The following KIAA0232 variants were observed in gnomAD, a reference collection of about 807,000 sequenced individuals.
KIAA0232 encodes the protein uncharacterized protein KIAA0232.
In KIAA0232, 27 loss-of-function variants were observed where a neutral mutation model predicts 122.0. The observed-to-expected ratio is 0.22, with a 90% CI of 0.16 to 0.31. The LOEUF (loss-of-function observed/expected upper bound fraction) is 0.31. Among genes scored for constraint, KIAA0232 ranks in the 10% least tolerant of loss-of-function variants. KIAA0232 has a pLI of 1.00. For missense variants in KIAA0232, 1,551 were observed against 1,634.2 expected (o/e 0.95, Z 0.88); for synonymous variants, 613 against 587.6 (o/e 1.04, Z -0.63).
intron 7 of KIAA0232, among the ~76,000 whole-genome samples, chr4:6,864,737 CAAAAA>C (rs59573520): frequency 5.7e-5 from 4 of 70,300 alleles, no homozygotes; most frequent in African/African-American, 2.4e-4. Context: ...GACTCCATCT[CAAAAA>C]AAAAAAAAAA....
In KIAA0232 at chr4:6,862,252, A is replaced by G. The variant is rs1386251475; in HGVS notation, c.1870A>G (p.Asn624Asp). 3 of 1,614,190 alleles carry G rather than the reference A, an allele frequency of 1.9e-6. No individual in the cohort carries two copies. The highest frequency in any genetic ancestry group is 2.2e-5 in the South Asian group (2 of 91,076). ...TCCCATCTTAGACAGCACAGTGCTCAATTCACACCTGCTTGCTGGCAATCA... is the reference window on the plus strand; with the variant it reads ...TCCCATCTTAGACAGCACAGTGCTCGATTCACACCTGCTTGCTGGCAATCA... Reference protein sequence around the residue: ...LSPILDSTVLNSHLLAGNQEL... With the variant: ...LSPILDSTVLDSHLLAGNQEL... The change falls in exon 7 of 10, where the codon AAT becomes GAT. Residue 624 changes from asparagine to aspartate, a missense_variant. By Grantham distance (23) the Asn-to-Asp change is conservative. Around this residue, in one of 5 missense-constraint regions of KIAA0232, gnomAD observed 1,108 missense variants for 1,154.8 expected, o/e 0.96. Transcript: ENST00000307659.
At chr4:6,875,994 C>A (rs115289372) in intron 8 of KIAA0232, among the ~76,000 whole-genome samples, 2,218 of 152,276 alleles carry the variant, frequency 0.015, 48 homozygotes, top group African/African-American at 0.048. Context: ...CTAAAGCCCC[C>A]AGATGATGAG....
rs541814218 is a variant in KIAA0232 at position 6,832,350 on chromosome 4, CT to C, written c.231+7681del. ...CATATGTAATTCATGAAGTTGGGGC[CT>C]TTTTTTTTTTTTTTGGAGAGGGACT... On this transcript the variant is annotated intron_variant, in intron 3 of 9. Coordinates refer to ENST00000307659, the MANE Select transcript of KIAA0232 (RefSeq NM_014743.3). 2.8e-3 allele frequency among the ~76,000 whole-genome samples: 374 copies of C among 134,618 alleles called. 1 individual carries two copies. Among genetic ancestry groups the C allele is most frequent in the Middle Eastern group, 7.6e-3 (2 of 262 alleles). 88.3% of individuals were successfully genotyped at this position (134,618 alleles called of 152,430 possible).
intron 1 of KIAA0232, among the ~76,000 whole-genome samples, chr4:6,792,858 G>A (rs1343906374): frequency 2.6e-5 from 4 of 151,612 alleles, no homozygotes; most frequent in Non-Finnish European, 5.9e-5. Context: ...CCCGGCTAAT[G>A]TTTTTGTATT....
At chr4:6,819,440 C>CA (rs1186259053) in intron 2 of KIAA0232, among the ~76,000 whole-genome samples, 1 of 152,000 alleles carries the variant, frequency 6.6e-6, no homozygotes, top group Non-Finnish European at 1.5e-5. Context: ...AAAAAGTGGG[C>CA]AAAAGACATG....
In KIAA0232 at chr4:6,862,370, C is replaced by A; in HGVS notation, c.1988C>A (p.Ser663Tyr). The change falls in exon 7 of 10, where the codon TCT becomes TAT. Residue 663 changes from serine (S) to tyrosine (Y), a missense_variant. Around this residue, in one of 5 missense-constraint regions of KIAA0232, gnomAD observed 1,108 missense variants for 1,154.8 expected, o/e 0.96. Transcript: ENST00000307659. ...VQCSNSVLPF[S>Y]FETLNLGNEN... is the part of the protein sequence containing the mutation. ...TGCAGTAATTCTGTTTTACCATTTT[C>A]TTTTGAAACACTCAACTTGGGAAAT... The A allele has an allele frequency of 1.2e-6, 2 of 1,614,096 alleles. No individual in the cohort carries two copies. The highest frequency in any genetic ancestry group is 1.6e-4 in the Middle Eastern group (1 of 6,062).
intron 2 of KIAA0232, among the ~76,000 whole-genome samples, chr4:6,814,932 G>A (rs1241675984): frequency 6.6e-6 from 1 of 152,038 alleles, no homozygotes; most frequent in African/African-American, 2.4e-5. Context: ...GTGTTTCCAT[G>A]TGGGAATACA....
chr4:6,800,039 CTTTCTTTTTTTTTTTT>C (rs1311211142), intron 1 of KIAA0232, among the ~76,000 whole-genome samples: 3 of 67,310 alleles, frequency 4.5e-5, no homozygotes, highest in South Asian at 5.0e-4. Context: ...TTCTTTCTTT[CTTTCTTTTTTTTTTTT>C]TTTTTTTTTT....
intron 4 of KIAA0232, among the ~76,000 whole-genome samples, chr4:6,843,006 G>A (rs1719746739): frequency 6.6e-6 from 1 of 152,076 alleles, no homozygotes; most frequent in Non-Finnish European, 1.5e-5. Context: ...CACTTCAAAA[G>A]TACTGTATTG....
At chr4:6,830,803 C>T (rs896037513) in intron 3 of KIAA0232, among the ~76,000 whole-genome samples, 4 of 152,100 alleles carry the variant, frequency 2.6e-5, no homozygotes, top group Non-Finnish European at 5.9e-5. Flanking sequence ...AAAGAGCAGG[C>T]TTCTCATCCT....
intron 2 of KIAA0232, among the ~76,000 whole-genome samples, chr4:6,821,666 A>G (rs891510786): frequency 1.5e-5 from 2 of 137,082 alleles, no homozygotes; most frequent in Admixed American, 1.5e-4. Flanking sequence ...GTGTATGTGT[A>G]TACATATATA....
intron 1 of KIAA0232, among the ~76,000 whole-genome samples, chr4:6,792,532 A>G (rs1259987724): frequency 6.6e-6 from 1 of 152,196 alleles, no homozygotes; most frequent in East Asian, 1.9e-4. Context: ...AATTTCATAC[A>G]ATTAAGCACA....
intron 1 of KIAA0232, among the ~76,000 whole-genome samples, chr4:6,804,032 TA>T (rs1252390061): frequency 6.6e-6 from 1 of 152,248 alleles, no homozygotes; most frequent in African/African-American, 2.4e-5. Flanking sequence ...AACCTGTCTT[TA>T]AAGTATTTGT....
intron 4 of KIAA0232, among the ~76,000 whole-genome samples, chr4:6,843,207 G>A (rs1328208192): frequency 6.6e-6 from 1 of 152,034 alleles, no homozygotes; most frequent in Non-Finnish European, 1.5e-5. Context: ...CTGTGAGATC[G>A]TAACTACTGA....
intron 7 of KIAA0232, among the ~76,000 whole-genome samples, chr4:6,871,307 G>T (rs571098957): frequency 1.3e-5 from 2 of 152,152 alleles, no homozygotes; most frequent in African/African-American, 4.8e-5. Flanking sequence ...GGTGGTTCCC[G>T]CCTGTAGTCC....
chr4:6,880,253 G>GC (rs1722000194), intron 9 of KIAA0232, among the ~76,000 whole-genome samples: 3 of 71,074 alleles, frequency 4.2e-5, no homozygotes, highest in African/African-American at 6.4e-5. Flanking sequence ...GGTCTGCAGT[G>GC]TCCCCTCACC....
At position 6,878,192 on chromosome 4, in the gene KIAA0232, T is replaced by C. The variant is rs570259236; in HGVS notation, c.4008+1435T>C. ...GAGTTCAAGACCAGCCTGGCCAACA[T>C]GGCGAAACCCCATCTCTACTAAAAA... On this transcript the variant is annotated intron_variant, in intron 9 of 9. Coordinates refer to ENST00000307659, the MANE Select transcript of KIAA0232 (RefSeq NM_014743.3). Among the ~76,000 whole-genome samples, 706 of 152,286 alleles carry C rather than the reference T, an allele frequency of 4.6e-3. 7 individuals carry two copies. The highest frequency in any genetic ancestry group is 0.016 in the African/African-American group (683 of 41,556).
chr4:6,808,383 C>CT, intron 2 of KIAA0232, among the ~76,000 whole-genome samples: 1 of 150,412 alleles, frequency 6.6e-6, no homozygotes, highest in Non-Finnish European at 1.5e-5. Context: ...GTCTTGGGTA[C>CT]TGAGCACACC....
chr4:6,813,052 T>C (rs547901558), intron 2 of KIAA0232, among the ~76,000 whole-genome samples: 58 of 152,330 alleles, frequency 3.8e-4, no homozygotes, highest in African/African-American at 1.3e-3. Flanking sequence ...ATGTCTCTTA[T>C]AGCTTATAAG....
Sources: allele counts gnomAD v4.1 joint callset (sites outside exome capture counted in the v4.1 genomes callset), GRCh38; gene constraint gnomAD v4.1.1; regional missense constraint gnomAD v4.1.1; transcripts MANE v1.5; gene names NCBI Gene and HGNC (gene_info 2026-07-23, HGNC 2026-07-21).